The following SSMEM1 variants were observed in gnomAD, a reference collection of about 807,000 sequenced individuals.
SSMEM1 encodes the protein serine rich single-pass membrane protein 1, also known as serine-rich single-pass membrane protein 1.
SSMEM1 carries 12 observed loss-of-function variants against 9.9 expected under a neutral mutation model. That is an observed-to-expected ratio of 1.21 (90% CI 0.78 to 1.96). SSMEM1 has a LOEUF of 1.96. SSMEM1 is among the 30% of genes most tolerant of loss of function. The probability of loss-of-function intolerance (pLI) is 0.00; values close to 1 mark genes in which losing one functional copy is unlikely to be tolerated. For synonymous variants in SSMEM1, 96 were observed against 98.9 expected (o/e 0.97, Z 0.17); for missense variants, 259 against 292.2 (o/e 0.89, Z 0.83).
chr7:130,215,966 G>A lies in SSMEM1; in HGVS notation c.239-8G>A. 1 of 1,612,616 alleles carries A rather than the reference G, an allele frequency of 6.2e-7. No homozygotes were observed. The highest frequency in any genetic ancestry group is 8.5e-7 in the Non-Finnish European group (1 of 1,179,296). ...ATTACTAACTTGATATGTTTCATTGGTTGTTAGCAAGCAAAGAGACTTCCT... is the reference window on the plus strand; with the variant it reads ...ATTACTAACTTGATATGTTTCATTGATTGTTAGCAAGCAAAGAGACTTCCT... On this transcript the variant is annotated splice_polypyrimidine_tract_variant and splice_region_variant and intron_variant, in intron 2 of 2. Coordinates refer to ENST00000297819, the MANE Select transcript of SSMEM1 (RefSeq NM_145268.4).
chr7:130,216,583 A>G lies in SSMEM1; in HGVS notation c.*113A>G, dbSNP rs1375273257. ...TTTACAACAAAGTCTCTCTACCAAC[A>G]AACAAAAACATACTTGGAACCCAAG... On this transcript the variant is annotated 3_prime_UTR_variant, in exon 3 of 3. Coordinates refer to ENST00000297819, the MANE Select transcript of SSMEM1 (RefSeq NM_145268.4). The G allele has an allele frequency of 3.1e-6, 4 of 1,308,032 alleles. No homozygotes were observed. In the East Asian group the frequency reaches 9.3e-5, roughly 31 times the overall value. 81.0% of individuals were successfully genotyped at this position (1,308,032 alleles called of 1,614,324 possible).
At chr7:130,215,902 A>G (rs1032368461) in intron 2 of SSMEM1, 72 bp from the exon 3 acceptor site, 2 of 1,555,050 alleles carry the variant, frequency 1.3e-6, no homozygotes, top group Non-Finnish European at 8.7e-7. Context: ...ACACGTGCAC[A>G]GGCTTCTTAA....
chr7:130,211,803 T>C (rs1411967431), intron 1 of SSMEM1, among the ~76,000 whole-genome samples: 1 of 152,226 alleles, frequency 6.6e-6, no homozygotes, highest in Non-Finnish European at 1.5e-5. Flanking sequence ...AGCTAATTTG[T>C]CGCTCAAGCT....
intron 2 of SSMEM1, 49 bp from the exon 3 acceptor site, chr7:130,215,925 C>A (rs375474456): frequency 6.3e-7 from 1 of 1,588,064 alleles, no homozygotes; most frequent in South Asian, 1.2e-5. Flanking sequence ...AATAGGAATT[C>A]ATAGTAACCA....
At chr7:130,213,752 A>T (rs1450255663) in intron 2 of SSMEM1, among the ~76,000 whole-genome samples, 3 of 151,954 alleles carry the variant, frequency 2.0e-5, no homozygotes, top group African/African-American at 7.2e-5. Context: ...AAATGAAATA[A>T]AGACAAAGAA....
chr7:130,214,506 AT>A (rs1170989254), intron 2 of SSMEM1, among the ~76,000 whole-genome samples: 1 of 152,228 alleles, frequency 6.6e-6, no homozygotes, highest in African/African-American at 2.4e-5. Context: ...GGCCAATTTC[AT>A]ATAGACAACT....
intron 2 of SSMEM1, among the ~76,000 whole-genome samples, 177 bp downstream of exon 2, chr7:130,213,711 AAAAGAAAAG>A: frequency 1.4e-5 from 1 of 70,460 alleles, no homozygotes; most frequent in Non-Finnish European, 3.0e-5. Flanking sequence ...AAAAAAAAAA[AAAAGAAAAG>A]AAAAGAAAAA....
upstream of SSMEM1, chr7:130,206,949 G>T: frequency 5.2e-6 from 1 of 190,764 alleles, no homozygotes; most frequent in Non-Finnish European, 1.1e-5. Context: ...TGGTGCCACT[G>T]CATTCCAGTC....
At chr7:130,205,920 C>T (rs1403699662), upstream of SSMEM1, among the ~76,000 whole-genome samples, 1 of 152,114 alleles carries the variant, frequency 6.6e-6, no homozygotes, top group Non-Finnish European at 1.5e-5. Flanking sequence ...AAGGGATCCG[C>T]CCGCCTCAGC....
chr7:130,211,775 CT>C (rs888350184), intron 1 of SSMEM1, among the ~76,000 whole-genome samples: 5 of 151,904 alleles, frequency 3.3e-5, no homozygotes, highest in East Asian at 1.9e-4. Context: ...TCCTTAAAGT[CT>C]TTTTTTTCAT....
chr7:130,216,533 C>T lies in SSMEM1; in HGVS notation c.*63C>T, dbSNP rs1798713407. On this transcript the variant is annotated 3_prime_UTR_variant, in exon 3 of 3. Transcript: ENST00000297819. ...AAGAGATGAATAAAACATGAAAAAT[C>T]ACCAGAGCTATAGGTGAGGAGACTT... 1.3e-6 allele frequency: 2 copies of T among 1,554,944 alleles called. No homozygotes were observed. The highest frequency in any genetic ancestry group is 1.4e-5 in the African/African-American group (1 of 72,700).
chr7:130,205,937 A>G (rs1158814997), upstream of SSMEM1, among the ~76,000 whole-genome samples: 3 of 151,982 alleles, frequency 2.0e-5, no homozygotes, highest in African/African-American at 7.3e-5. Context: ...CAGCCTCCCA[A>G]ACGCCTGCTG....
chr7:130,207,715 A>G, upstream of SSMEM1: 2 of 701,396 alleles, frequency 2.9e-6, no homozygotes, highest in Non-Finnish European at 2.6e-6. Flanking sequence ...TAACATAAAC[A>G]TTCAGAGGAG....
chr7:130,207,548 A>C (rs1417496899), upstream of SSMEM1, among the ~76,000 whole-genome samples: 1 of 152,244 alleles, frequency 6.6e-6, no homozygotes, highest in Non-Finnish European at 1.5e-5. Context: ...AGAACTGTCT[A>C]TGATAATTTG....
In SSMEM1 at chr7:130,207,899, C is replaced by T; in HGVS notation, c.-12C>T. 2 of 1,612,676 alleles carry T rather than the reference C, an allele frequency of 1.2e-6. No homozygotes were observed. The highest frequency in any genetic ancestry group is 4.5e-5 in the East Asian group (2 of 44,798). On this transcript the variant is annotated 5_prime_UTR_variant, in exon 1 of 3. Transcript: ENST00000297819. ...CTTTAAGCATGGTTTATTTTCTGAG[C>T]AAGGAGTCATCATGGGAGACCTTTT...
At chr7:130,205,637 G>A (rs1319537211), upstream of SSMEM1, 1 of 596,022 alleles carries the variant, frequency 1.7e-6, no homozygotes, top group African/African-American at 1.9e-5. Flanking sequence ...GCAGTAAAAA[G>A]TAATAATTGT....
chr7:130,206,377 A>T (rs1034505166), upstream of SSMEM1, among the ~76,000 whole-genome samples: 1 of 152,220 alleles, frequency 6.6e-6, no homozygotes, highest in Admixed American at 6.5e-5. Context: ...TAGAGTCCAC[A>T]GCCAGAAACC....
chr7:130,205,607 T>C (rs1798433765), upstream of SSMEM1: 1 of 619,920 alleles, frequency 1.6e-6, no homozygotes, highest in African/African-American at 1.8e-5. Flanking sequence ...GCAGCAAAAT[T>C]CAGACCAGGC....
upstream of SSMEM1, among the ~76,000 whole-genome samples, chr7:130,205,891 G>C (rs1445292294): frequency 2.0e-5 from 3 of 152,028 alleles, no homozygotes; most frequent in African/African-American, 7.2e-5. Context: ...GGCCAGTCTG[G>C]TCTCGATTTC....
Sources: gnomAD v4.1 joint callset for allele counts (sites outside exome capture counted in the v4.1 genomes callset) on GRCh38, gnomAD v4.1.1 for gene constraint, MANE v1.5 for transcripts, NCBI Gene and HGNC (gene_info 2026-07-23, HGNC 2026-07-21) for gene names.